The following SPECC1 variants were observed in gnomAD, a reference collection of about 807,000 sequenced individuals.
The protein encoded by SPECC1 is sperm antigen with calponin homology and coiled-coil domains 1.
A neutral mutation model predicts 104.1 loss-of-function variants in SPECC1; 62 were observed. The observed-to-expected ratio is 0.60, with a 90% CI of 0.49 to 0.74. The LOEUF is 0.74. Among genes scored for constraint, SPECC1 ranks in the 30% least tolerant of loss-of-function variants. SPECC1 has a pLI of 0.00. For missense variants in SPECC1, 1,306 were observed against 1,310.5 expected, an observed-to-expected ratio of 1.00 and a Z score of 0.05; for synonymous variants, 513 against 501.6, an observed-to-expected ratio of 1.02 and a Z score of -0.30.
intron 1 of SPECC1, chr17:20,057,888 G>A (rs183953744): frequency 3.9e-5 from 6 of 152,142 alleles, no homozygotes; most frequent in South Asian, 2.1e-4. Context: ...TCATTTTGCA[G>A]CATTTCAGTG....
At chr17:20,013,938 A>G (rs188348105) in intron 1 of SPECC1, among the ~76,000 whole-genome samples, 1 of 152,324 alleles carries the variant, frequency 6.6e-6, no homozygotes, top group East Asian at 1.9e-4. Context: ...ACACTCTAGT[A>G]CACGTCTTTT....
At chr17:20,065,699 C>G (rs62067491) in intron 1 of SPECC1, among the ~76,000 whole-genome samples, 203 of 152,306 alleles carry the variant, frequency 1.3e-3, no homozygotes, top group Non-Finnish European at 2.3e-3. Context: ...TGATCTAAAC[C>G]TAGCATGCCT....
chr17:20,268,567 T>C (rs1054563566), intron 12 of SPECC1, among the ~76,000 whole-genome samples: 1 of 152,218 alleles, frequency 6.6e-6, no homozygotes, highest in Non-Finnish European at 1.5e-5. Flanking sequence ...ATCAGAGTGG[T>C]CCTTTCCCTG....
intron 7 of SPECC1, chr17:20,236,992 A>T (rs1252733821): frequency 4.5e-6 from 7 of 1,564,460 alleles, no homozygotes; most frequent in Admixed American, 1.8e-5. Context: ...CTTTATAAAG[A>T]GCCCAGTTGT....
At chr17:20,070,485 T>A (rs1198637931) in intron 1 of SPECC1, among the ~76,000 whole-genome samples, 1 of 152,180 alleles carries the variant, frequency 6.6e-6, no homozygotes, top group Non-Finnish European at 1.5e-5. Context: ...CCTTTATATA[T>A]GTTTTTAGGT....
chr17:20,081,586 G>A (rs572956203), intron 1 of SPECC1, among the ~76,000 whole-genome samples: 10 of 152,204 alleles, frequency 6.6e-5, no homozygotes, highest in African/African-American at 1.9e-4. Flanking sequence ...GATCATTGTG[G>A]TTAGTGTGGA....
intron 12 of SPECC1, among the ~76,000 whole-genome samples, chr17:20,292,166 C>T (rs541249113): frequency 9.0e-4 from 137 of 152,010 alleles, no homozygotes; most frequent in African/African-American, 3.1e-3. Context: ...CTGGCAGGGG[C>T]CACAGTGCTC....
At chr17:20,190,911 T>C (rs2035626079) in intron 3 of SPECC1, among the ~76,000 whole-genome samples, 1 of 152,128 alleles carries the variant, frequency 6.6e-6, no homozygotes, top group Non-Finnish European at 1.5e-5. Flanking sequence ...ATTGATCTTT[T>C]TGCTTTAGCA....
At chr17:20,165,006 T>TA in intron 3 of SPECC1, among the ~76,000 whole-genome samples, 1 of 152,280 alleles carries the variant, frequency 6.6e-6, no homozygotes. Context: ...GTATCTTTTT[T>TA]AAAAAAATTA....
intron 1 of SPECC1, among the ~76,000 whole-genome samples, chr17:20,092,663 G>A (rs907616999): frequency 3.9e-5 from 6 of 152,180 alleles, no homozygotes; most frequent in East Asian, 1.9e-4. Context: ...GCAGCGCTCC[G>A]TTGAACACCA....
intron 4 of SPECC1, among the ~76,000 whole-genome samples, chr17:20,223,649 G>A (rs1420993205): frequency 1.3e-5 from 2 of 151,666 alleles, no homozygotes; most frequent in African/African-American, 4.9e-5. Context: ...CTCCAGCCTG[G>A]GCGACAGAGC....
chr17:20,162,950 C>T (rs2033303224), intron 3 of SPECC1, among the ~76,000 whole-genome samples: 1 of 152,208 alleles, frequency 6.6e-6, no homozygotes, highest in Non-Finnish European at 1.5e-5. Flanking sequence ...GTCCCTTGAA[C>T]CTGGGAGGCG....
At chr17:20,051,128 CTTTCTTTCT>C (rs2045754033) in intron 1 of SPECC1, among the ~76,000 whole-genome samples, 3 of 116,300 alleles carry the variant, frequency 2.6e-5, no homozygotes, top group South Asian at 2.8e-4. Flanking sequence ...TTCTTTCTTT[CTTTCTTTCT>C]TTCCTTCTTT....
intron 1 of SPECC1, among the ~76,000 whole-genome samples, chr17:20,069,440 A>C (rs1263068466): frequency 6.6e-6 from 1 of 152,188 alleles, no homozygotes; most frequent in Non-Finnish European, 1.5e-5. Context: ...TAATATAGTC[A>C]TGAAGTTTTA....
At chr17:20,183,215 G>C (rs1048846837) in intron 3 of SPECC1, among the ~76,000 whole-genome samples, 1 of 152,144 alleles carries the variant, frequency 6.6e-6, no homozygotes, top group Non-Finnish European at 1.5e-5. Context: ...ATAACTTCCA[G>C]TGGTGGTAAG....
At chr17:20,311,240 A>C (rs1264878092) in intron 14 of SPECC1, among the ~76,000 whole-genome samples, 3 of 152,008 alleles carry the variant, frequency 2.0e-5, no homozygotes, top group Admixed American at 1.3e-4. Context: ...CTAAACCTGC[A>C]TGTAAATGCT....
rs780961541 is a variant in SPECC1, at chr17:20,205,150, A to G, written c.1101A>G (p.Glu367=). 3 of 1,614,064 alleles carry G rather than the reference A, an allele frequency of 1.9e-6. No homozygotes were observed. The highest frequency in any genetic ancestry group is 2.7e-5 in the African/African-American group (2 of 74,922). The change falls in exon 4 of 15, where the codon GAA becomes GAG. Residue 367 remains glutamate (E), a synonymous_variant. Transcript: ENST00000395527. ...GGAGTTCCCCAAACAGCGTAAGTGA[A>G]TTGTCCCTGGCTTCCCTCACAGAGA... The part of the protein sequence containing the change: ...TAGSSPNSVS[E]LSLASLTEKI...
At chr17:20,034,902 G>A (rs1199982192) in intron 1 of SPECC1, among the ~76,000 whole-genome samples, 2 of 152,110 alleles carry the variant, frequency 1.3e-5, no homozygotes, top group Non-Finnish European at 2.9e-5. Context: ...ACCGTGCGTG[G>A]CCTTTTTCTA....
chr17:20,288,178 T>C, intron 12 of SPECC1, among the ~76,000 whole-genome samples: 1 of 152,226 alleles, frequency 6.6e-6, no homozygotes, highest in East Asian at 1.9e-4. Flanking sequence ...ACATTTTCTT[T>C]ATTCAGTCTA....
Sources: gnomAD v4.1 joint callset for allele counts (sites outside exome capture counted in the v4.1 genomes callset) on GRCh38, gnomAD v4.1.1 for gene constraint, MANE v1.5 for transcripts, NCBI Gene and HGNC (gene_info 2026-07-23, HGNC 2026-07-21) for gene names.